Variants in GPR107 observed in about 807,000 individuals in gnomAD.
The protein encoded by GPR107 is G protein-coupled receptor 107, also known as protein GPR107.
Under a neutral mutation model 75.5 loss-of-function variants are expected in GPR107, and 31 were observed. That is an observed-to-expected ratio of 0.41 (90% CI 0.31 to 0.55). GPR107 has a LOEUF of 0.55. Among genes scored for constraint, GPR107 ranks in the 20% least tolerant of loss-of-function variants. The probability of loss-of-function intolerance (pLI) is 0.26; values close to 1 mark genes in which losing one functional copy is unlikely to be tolerated. For synonymous variants in GPR107, 267 were observed against 251.3 expected (o/e 1.06, Z -0.59); for missense variants, 572 against 665.7 (o/e 0.86, Z 1.55).
At chr9:130,086,716 C>T (rs554178641) in intron 7 of GPR107, among the ~76,000 whole-genome samples, 132 of 152,176 alleles carry the variant, frequency 8.7e-4, no homozygotes, top group Non-Finnish European at 1.7e-3. Context: ...GTAGGTGACA[C>T]GGTACAGTTT....
In GPR107 at chr9:130,138,512, C is replaced by T. The variant is rs147850616; in HGVS notation, c.*3391C>T. The T allele has an allele frequency of 8.5e-3, 1,235 of 146,016 alleles. 10 individuals are homozygous for T. Among genetic ancestry groups the T allele is most frequent in the Non-Finnish European group, 0.014 (913 of 66,418 alleles). 9.0% of individuals were successfully genotyped at this position (146,016 alleles called of 1,614,324 possible). ...CCTCCCCCTTCCCCTTCCGCTCCTC[C>T]TCCCTCCTCCACCTCTTTCTCCTCC... On this transcript the variant is annotated 3_prime_UTR_variant, in exon 18 of 18. Transcript: ENST00000347136.
Position 130,127,548 on chromosome 9 carries a change from G to A in GPR107, c.1422G>A (p.Gln474=). Residue 474 remains glutamine, a synonymous_variant, in exon 16 of 18, where the codon CAG becomes CAA. Coordinates refer to ENST00000347136, the MANE Select transcript of GPR107 (RefSeq NM_020960.5). The part of the protein sequence containing the change: ...AFLLKLAVPF[Q]WKWLYQLLDE... ...TCCTCAAACTCGCTGTTCCATTCCAGTGGAAGTGGCTCTACCAGGTACGCT... is the reference window on the plus strand; with the variant it reads ...TCCTCAAACTCGCTGTTCCATTCCAATGGAAGTGGCTCTACCAGGTACGCT... 6.3e-7 allele frequency: 1 copy of A among 1,590,142 alleles called. No individual in the cohort carries two copies. Among genetic ancestry groups the A allele is most frequent in the African/African-American group, 1.3e-5 (1 of 74,586 alleles).
chr9:130,076,450 T>C lies in GPR107; in HGVS notation c.294T>C (p.Phe98=), dbSNP rs1564663940. The change falls in exon 3 of 18, where the codon TTT becomes TTC. Residue 98 remains phenylalanine (F), a synonymous_variant. Coordinates refer to ENST00000347136, the MANE Select transcript of GPR107 (RefSeq NM_020960.5). ...FSLDRTKNDG[F]SSYLDEDVNY... Reference sequence around the variant, plus strand: ...TAGACCGTACAAAGAATGATGGCTTTTCTTCTTACCTGGTGAGTATTAAAT... The same window carrying C: ...TAGACCGTACAAAGAATGATGGCTTCTCTTCTTACCTGGTGAGTATTAAAT... 1 of 1,583,494 alleles carries C rather than the reference T, an allele frequency of 6.3e-7. No homozygotes were observed.
At chr9:130,068,276 C>T (rs548618956) in intron 1 of GPR107, among the ~76,000 whole-genome samples, 21 of 152,216 alleles carry the variant, frequency 1.4e-4, no homozygotes, top group Admixed American at 1.2e-3. Flanking sequence ...ACAGTGGCCC[C>T]TGCTCGTTGC....
intron 5 of GPR107, among the ~76,000 whole-genome samples, chr9:130,080,214 T>C (rs1830457654): frequency 6.6e-6 from 1 of 152,234 alleles, no homozygotes; most frequent in Non-Finnish European, 1.5e-5. Flanking sequence ...TGGACTTCTT[T>C]ATGCATAGAA....
chr9:130,116,472 C>T (rs1163589319), intron 14 of GPR107, among the ~76,000 whole-genome samples: 5 of 152,198 alleles, frequency 3.3e-5, no homozygotes, highest in African/African-American at 1.2e-4. Context: ...CCTTGCCTAG[C>T]TCGCTGCTGT....
chr9:130,131,961 G>A (rs1226667152), intron 17 of GPR107, among the ~76,000 whole-genome samples: 1 of 152,096 alleles, frequency 6.6e-6, no homozygotes, highest in Non-Finnish European at 1.5e-5. Context: ...GCTCACTGCA[G>A]GCTTGAGCTC....
At chr9:130,117,263 T>A (rs1281330790) in intron 14 of GPR107, among the ~76,000 whole-genome samples, 2 of 30,032 alleles carry the variant, frequency 6.7e-5, no homozygotes, top group East Asian at 8.1e-3. Flanking sequence ...GTATTTTCGA[T>A]TCATTTTCAC....
rs538783798 is a variant in GPR107, at chr9:130,117,913, C to T, written c.1307-7002C>T. On this transcript the variant is annotated intron_variant, in intron 14 of 17. Coordinates refer to ENST00000347136, the MANE Select transcript of GPR107 (RefSeq NM_020960.5). ...TAAACTCCTTAGAAAGGATTACTGC[C>T]TGCTCTTGGGCATCACCCAGCCTTT... Among the ~76,000 whole-genome samples the T allele has an allele frequency of 5.3e-5, 8 of 152,298 alleles. No individual in the cohort carries two copies. In the South Asian group the frequency reaches 1.7e-3, roughly 32 times the overall value.
chr9:130,119,239 T>C (rs1331406430), intron 14 of GPR107, among the ~76,000 whole-genome samples: 1 of 152,210 alleles, frequency 6.6e-6, no homozygotes, highest in Non-Finnish European at 1.5e-5. Flanking sequence ...ACTCATCCTA[T>C]GCATATGGCA....
At chr9:130,104,235 G>A (rs910891361) in intron 12 of GPR107, among the ~76,000 whole-genome samples, 185 bp from the exon 13 acceptor site, 6 of 152,122 alleles carry the variant, frequency 3.9e-5, no homozygotes, top group African/African-American at 9.7e-5. Context: ...GATTCAGGGG[G>A]GTGGCATAGA....
rs563052081 is a variant in GPR107, at chr9:130,061,894, G to A, written c.141+7821G>A. On this transcript the variant is annotated intron_variant, in intron 1 of 17. Transcript: ENST00000347136. The stretch of plus-strand genomic sequence containing the variant: ...GGTAGGCCAGTGAGGCCAGTGAGCC[G>A]AGATTGCACCACTGCACTCCAGCCT... Among the ~76,000 whole-genome samples, 332 of 151,928 alleles carry A rather than the reference G, an allele frequency of 2.2e-3. 4 individuals are homozygous for A. Among genetic ancestry groups the A allele is most frequent in the Non-Finnish European group, 2.2e-3 (150 of 67,958 alleles).
rs1831159133 is a variant in GPR107, at chr9:130,106,522, A to G, written c.1263-974A>G. ...TGAGGCAGGAGAATTGCTTGAACCC[A>G]GGAGGCGGAGGTTGCAGTGAGCCAA... On this transcript the variant is annotated intron_variant, in intron 13 of 17. Coordinates refer to ENST00000347136, the MANE Select transcript of GPR107 (RefSeq NM_020960.5). 2.0e-5 allele frequency among the ~76,000 whole-genome samples: 3 copies of G among 151,910 alleles called. No homozygotes were observed. In the South Asian group the frequency reaches 6.2e-4, roughly 32 times the overall value.
At chr9:130,094,961 G>A (rs1021650444) in intron 9 of GPR107, among the ~76,000 whole-genome samples, 7 of 151,976 alleles carry the variant, frequency 4.6e-5, no homozygotes, top group Non-Finnish European at 7.4e-5. Flanking sequence ...GATTACAGGC[G>A]TGAGCCACTG....
intron 1 of GPR107, among the ~76,000 whole-genome samples, chr9:130,056,379 G>A (rs1467727094): frequency 6.6e-6 from 1 of 152,074 alleles, no homozygotes; most frequent in African/African-American, 2.4e-5. Context: ...GGACCCAGGA[G>A]TAGGAAGTTG....
intron 13 of GPR107, among the ~76,000 whole-genome samples, chr9:130,105,149 C>G (rs552434110): frequency 1.6e-4 from 25 of 152,264 alleles, no homozygotes; most frequent in African/African-American, 5.8e-4. Context: ...CAATAAAACA[C>G]TTTACCCTTA....
At chr9:130,099,410 T>C in intron 9 of GPR107, 47 bp from the exon 10 acceptor site, 1 of 1,058,528 alleles carries the variant, frequency 9.4e-7, no homozygotes, top group Non-Finnish European at 1.5e-6. Context: ...GGCTGTCCTT[T>C]GGGAGAATGG....
intron 13 of GPR107, 74 bp downstream of exon 13, chr9:130,104,624 A>G (rs543230833): frequency 7.0e-6 from 9 of 1,293,848 alleles, no homozygotes; most frequent in South Asian, 6.0e-5. Flanking sequence ...GGCCATTCCC[A>G]AACTGATCTC....
rs191926502 is a variant in GPR107 at position 130,117,882 on chromosome 9, G to T, written c.1307-7033G>T. 5.9e-5 allele frequency among the ~76,000 whole-genome samples: 9 copies of T among 152,264 alleles called. No individual in the cohort carries two copies. The East Asian group carries it at 1.7e-3, about 29-fold the overall frequency. ...TGCTTCTGTGTGCCGCATAAATCATGTGGTGTAAACTCCTTAGAAAGGATT... is the reference window on the plus strand; with the variant it reads ...TGCTTCTGTGTGCCGCATAAATCATTTGGTGTAAACTCCTTAGAAAGGATT... On this transcript the variant is annotated intron_variant, in intron 14 of 17. Transcript: ENST00000347136.
Sources: allele counts gnomAD v4.1 joint callset (sites outside exome capture counted in the v4.1 genomes callset), GRCh38; gene constraint gnomAD v4.1.1; transcripts MANE v1.5; gene names NCBI Gene and HGNC (gene_info 2026-07-23, HGNC 2026-07-21).